Variants in SV2B observed in about 807,000 individuals in gnomAD.
The protein encoded by SV2B is solute carrier family 22 member B2.
In SV2B, 41 loss-of-function variants were observed where a neutral mutation model predicts 73.9. The observed-to-expected ratio is 0.56, with a 90% CI of 0.43 to 0.72. The LOEUF (loss-of-function observed/expected upper bound fraction) is 0.72, where lower values mean the gene tolerates loss of function less well. Ranked by LOEUF, SV2B falls within the 30% of genes least tolerant of loss-of-function variation. The pLI, the probability that SV2B is intolerant of heterozygous loss-of-function variation, is 0.00. For synonymous variants in SV2B, 314 were observed against 314.2 expected (o/e 1.00, Z 0.01); for missense variants, 764 against 857.8 (o/e 0.89, Z 1.37).
At chr15:91,235,764 T>C (rs1489490930) in intron 2 of SV2B, among the ~76,000 whole-genome samples, 1 of 152,210 alleles carries the variant, frequency 6.6e-6, no homozygotes, top group Non-Finnish European at 1.5e-5. Flanking sequence ...AATTATTAAC[T>C]CCTTGTTGAA....
rs532136630 is a variant in SV2B, at chr15:91,197,504, G to A, written c.-391-28369G>A. On this transcript the variant is annotated intron_variant, in intron 1 of 12. Transcript: ENST00000394232. The surrounding 1 kb of genome is among the most constrained non-coding windows in gnomAD (Gnocchi z 4.9). ...CTCCCATAGTGCTGGGATTACAGGC[G>A]TGAGCCACCGCGCCCAGCCATCATT... 4.0e-5 allele frequency among the ~76,000 whole-genome samples: 6 copies of A among 151,362 alleles called. No individual in the cohort carries two copies. The highest frequency in any genetic ancestry group is 2.0e-4 in the East Asian group (1 of 5,098).
chr15:91,199,757 C>T (rs188963564), intron 1 of SV2B, among the ~76,000 whole-genome samples: 12 of 152,288 alleles, frequency 7.9e-5, no homozygotes, highest in South Asian at 2.1e-4. Context: ...AATTTTTGGA[C>T]GCACACAGCG....
chr15:91,168,671 T>A (rs987523052), intron 1 of SV2B, among the ~76,000 whole-genome samples: 3 of 152,154 alleles, frequency 2.0e-5, no homozygotes, highest in Admixed American at 1.3e-4. Context: ...GAAAAAAAAA[T>A]TAAACCAGGA....
intron 1 of SV2B, among the ~76,000 whole-genome samples, chr15:91,127,697 G>C (rs1032532938): frequency 6.6e-6 from 1 of 152,150 alleles, no homozygotes; most frequent in Non-Finnish European, 1.5e-5. Flanking sequence ...GTTGCAGGGG[G>C]AAGTGTGGTG....
Position 91,231,317 on chromosome 15 carries a change from G to C in SV2B, c.451+4603G>C, listed in dbSNP as rs2046566329. On this transcript the variant is annotated intron_variant, in intron 2 of 12. Transcript: ENST00000394232. The surrounding 1 kb of genome is among the most constrained non-coding windows in gnomAD (Gnocchi z 4.5). ...CGTTGAGGAAGGAGGTGATAAGATG[G>C]GGCCTGTGGTTTAGGGTGATCACTC... 6.6e-6 allele frequency among the ~76,000 whole-genome samples: 1 copy of C among 152,078 alleles called. No individual in the cohort carries two copies. The highest frequency in any genetic ancestry group is 1.5e-5 in the Non-Finnish European group (1 of 68,016).
rs1239872996 is a variant in SV2B at position 91,300,015 on chromosome 15, C to A, written c.*7463C>A. 1 of 152,160 alleles carries A rather than the reference C, an allele frequency of 6.6e-6. No homozygotes were observed. The highest frequency in any genetic ancestry group is 1.5e-5 in the Non-Finnish European group (1 of 68,026). 9.4% of individuals were successfully genotyped at this position (152,160 alleles called of 1,614,324 possible). A position where few individuals can be genotyped will look rare whatever the true frequency, so the allele number is the denominator to read the frequency against. ...TTGACATGTAAAAGTAGAAAACAAA[C>A]CATCCATAGTGTGTGCATATATACA... On this transcript the variant is annotated 3_prime_UTR_variant, in exon 13 of 13. Coordinates refer to ENST00000394232, the MANE Select transcript of SV2B (RefSeq NM_001323032.3).
chr15:91,211,663 C>A (rs1046248860), intron 1 of SV2B, among the ~76,000 whole-genome samples: 2 of 151,934 alleles, frequency 1.3e-5, no homozygotes, highest in African/African-American at 2.4e-5. Context: ...ACCACCACAC[C>A]CAGCTAATTT....
chr15:91,125,509 C>A (rs557980397), intron 1 of SV2B, among the ~76,000 whole-genome samples: 50 of 152,182 alleles, frequency 3.3e-4, no homozygotes, highest in African/African-American at 1.1e-3. Flanking sequence ...CAGTGGCTCA[C>A]GCCTGTAATC....
Position 91,237,676 on chromosome 15 carries a change from T to C in SV2B, c.451+10962T>C, listed in dbSNP as rs539503872. Among the ~76,000 whole-genome samples the C allele has an allele frequency of 2.0e-5, 3 of 152,348 alleles. No homozygotes were observed. The East Asian group carries it at 5.8e-4, about 29-fold the overall frequency. ...GGAGCTGCTGAGATGTCAGGGTTTTTGCTTAAGACAAAGACTGTGTATCAG... is the reference window on the plus strand; with the variant it reads ...GGAGCTGCTGAGATGTCAGGGTTTTCGCTTAAGACAAAGACTGTGTATCAG... On this transcript the variant is annotated intron_variant, in intron 2 of 12. Coordinates refer to ENST00000394232, the MANE Select transcript of SV2B (RefSeq NM_001323032.3).
rs1596835086 is a variant in SV2B at position 91,300,955 on chromosome 15, G to A, written c.*8403G>A. On this transcript the variant is annotated 3_prime_UTR_variant, in exon 13 of 13. Coordinates refer to ENST00000394232, the MANE Select transcript of SV2B (RefSeq NM_001323032.3). ...ACTGTTGGTTCAAATGTGCTGACAT[G>A]TAGCCAGTGGAGGAAGATGTTTCTT... 1.3e-5 allele frequency: 2 copies of A among 152,262 alleles called. No individual in the cohort carries two copies. The highest frequency in any genetic ancestry group is 6.5e-5 in the Admixed American group (1 of 15,292). The allele number at this position is 152,262 out of a possible 1,614,324, so 9.4% of individuals were successfully genotyped here. A position where few individuals can be genotyped will look rare whatever the true frequency, so the allele number is the denominator to read the frequency against.
chr15:91,254,376 A>G (rs1362292896), intron 4 of SV2B, among the ~76,000 whole-genome samples: 1 of 151,860 alleles, frequency 6.6e-6, no homozygotes, highest in Admixed American at 6.6e-5. Flanking sequence ...AGCTGGGATT[A>G]CAGGTGTGTG....
intron 1 of SV2B, among the ~76,000 whole-genome samples, chr15:91,131,750 G>A (rs1274910630): frequency 6.6e-6 from 1 of 152,188 alleles, no homozygotes; most frequent in Non-Finnish European, 1.5e-5. Context: ...ATCACTTGAG[G>A]TCAGGAGTTT....
At chr15:91,270,102 C>G (rs2048243117) in intron 9 of SV2B, among the ~76,000 whole-genome samples, 1 of 152,206 alleles carries the variant, frequency 6.6e-6, no homozygotes, top group South Asian at 2.1e-4. Flanking sequence ...ATATTGAAAA[C>G]TAAGGGACAT....
intron 1 of SV2B, among the ~76,000 whole-genome samples, chr15:91,209,938 A>G (rs2045793606): frequency 1.3e-5 from 2 of 152,190 alleles, no homozygotes; most frequent in South Asian, 4.1e-4. Flanking sequence ...CTGGCAACAC[A>G]TTACCCTTTT....
chr15:91,243,553 C>G (rs1276878693), intron 2 of SV2B, among the ~76,000 whole-genome samples: 2 of 152,206 alleles, frequency 1.3e-5, no homozygotes, highest in African/African-American at 4.8e-5. Context: ...GCTGCTTCCA[C>G]TGTGGCTGTG....
intron 1 of SV2B, among the ~76,000 whole-genome samples, chr15:91,107,297 G>A (rs138775707): frequency 3.4e-5 from 5 of 145,730 alleles, no homozygotes; most frequent in East Asian, 2.0e-4. Context: ...TTATTTGTTT[G>A]TTTATTTATT....
chr15:91,247,282 C>G (rs1475772410), intron 2 of SV2B, among the ~76,000 whole-genome samples: 1 of 152,184 alleles, frequency 6.6e-6, no homozygotes, highest in Non-Finnish European at 1.5e-5. Context: ...TGGGGCTCAG[C>G]CTCCTCGTCT....
In SV2B at chr15:91,289,394, A is replaced by T; in HGVS notation, c.1709-127A>T. ...CTCTCTCTGTGTGGAGGGTGAACCT[A>T]ATACTTCAGGCAGCCTTGGCTTCAG... On this transcript the variant is annotated intron_variant, in intron 11 of 12. Coordinates refer to ENST00000394232, the MANE Select transcript of SV2B (RefSeq NM_001323032.3). The surrounding 1 kb of genome is among the most constrained non-coding windows in gnomAD (Gnocchi z 4.9). 8.3e-7 allele frequency: 1 copy of T among 1,205,028 alleles called. No individual in the cohort carries two copies. 74.6% of individuals were successfully genotyped at this position (1,205,028 alleles called of 1,614,324 possible).
rs539832650 is a variant in SV2B at position 91,206,661 on chromosome 15, G to A, written c.-391-19212G>A. ...AAAATGTTTTGAATGAGTGGGGTTT[G>A]GGGTGGGTGTCCATTAAAAGGATAA... On this transcript the variant is annotated intron_variant, in intron 1 of 12. Coordinates refer to ENST00000394232, the MANE Select transcript of SV2B (RefSeq NM_001323032.3). Among the ~76,000 whole-genome samples the A allele has an allele frequency of 1.1e-4, 16 of 152,250 alleles. No homozygotes were observed. In the South Asian group the frequency reaches 3.3e-3, roughly 32 times the overall value.
Sources: gnomAD v4.1 joint callset for allele counts (sites outside exome capture counted in the v4.1 genomes callset) on GRCh38, gnomAD v4.1.1 for gene constraint, Gnocchi (gnomAD v3.1) non-coding constraint, MANE v1.5 for transcripts, NCBI Gene and HGNC (gene_info 2026-07-23, HGNC 2026-07-21) for gene names.